PEG3: variants seen among roughly 807,000 people sequenced by gnomAD.
PEG3 encodes paternally expressed 3.
PEG3 carries 23 observed loss-of-function variants against 35.5 expected under a neutral mutation model. The observed-to-expected ratio is 0.65, with a 90% CI of 0.47 to 0.92. PEG3 has a LOEUF of 0.92. Among genes scored for constraint, PEG3 ranks in the 40% least tolerant of loss-of-function variants. The probability of loss-of-function intolerance (pLI) is 0.00; values close to 1 mark genes in which losing one functional copy is unlikely to be tolerated. For missense variants in PEG3, 1,960 were observed against 1,985.3 expected (o/e 0.99, Z 0.24); for synonymous variants, 707 against 697.0 (o/e 1.01, Z -0.23).
Position 56,811,372 on chromosome 19 carries a change from A to G in PEG3, c.*2303T>C. On this transcript the variant is annotated 3_prime_UTR_variant, in exon 10 of 10. Transcript: ENST00000326441. ...AAATGAACTGTTGAGTTATAACTGT[A>G]GTATAAATATACTTTCGTGTCCTGC... is the stretch of plus-strand genomic sequence containing the variant. 7 of 875,484 alleles carry G rather than the reference A, an allele frequency of 8.0e-6. No homozygotes were observed. Among genetic ancestry groups the G allele is most frequent in the Non-Finnish European group, 9.6e-6 (7 of 729,846 alleles). 54.2% of individuals were successfully genotyped at this position (875,484 alleles called of 1,614,324 possible). A position where few individuals can be genotyped will look rare whatever the true frequency, so the allele number is the denominator to read the frequency against.
At chr19:56,821,569 A>C (rs1386815673) in intron 7 of PEG3, 82 bp downstream of exon 7, 4 of 1,554,636 alleles carry the variant, frequency 2.6e-6, no homozygotes, top group Non-Finnish European at 2.6e-6. Flanking sequence ...GGGGCAGATA[A>C]ACACACCATC....
Position 56,815,419 on chromosome 19 carries a change from C to A in PEG3, c.3023G>T (p.Arg1008Leu), listed in dbSNP as rs757018403. ...GSRNYEWSVI[R>L]SLAPTDPQTS... ...TTGAGGGTCAGTAGGGGCCAAGCTG[C>A]GAATGACAGACCATTCATAGTTTCT... The change falls in exon 10 of 10, where the codon CGC becomes CTC. Residue 1008 changes from arginine to leucine, a missense_variant. Arg to Leu is a moderately radical substitution (Grantham distance 102). Transcript: ENST00000326441. The A allele has an allele frequency of 3.1e-6, 5 of 1,614,016 alleles. No individual in the cohort carries two copies. Among genetic ancestry groups the A allele is most frequent in the Non-Finnish European group, 4.2e-6 (5 of 1,179,906 alleles).
At chr19:56,838,580 C>T (rs1388218098) in intron 1 of PEG3, among the ~76,000 whole-genome samples, 2 of 152,196 alleles carry the variant, frequency 1.3e-5, no homozygotes, top group Admixed American at 1.3e-4. Context: ...CTTGGTCAGG[C>T]AACAACAGGG....
chr19:56,814,850 C>G lies in PEG3; in HGVS notation c.3592G>C (p.Asp1198His). Residue 1198 changes from aspartate to histidine, a missense_variant, in exon 10 of 10, where the codon GAT (aspartate) becomes CAT (histidine). Physicochemically the swap from Asp to His is moderately conservative, Grantham distance 81. Transcript: ENST00000326441. This position sits in a 1 kb window ranked among gnomAD's most constrained non-coding sequence, Gnocchi z 5.8. ...DQLYSMKGCDDGFIALLPMKP... is the reference protein window; with the variant it reads ...DQLYSMKGCDHGFIALLPMKP... ...ATGGGCAAGAGGGCAATAAAACCAT[C>G]ATCACACCCCTTCATGGAATACAAC... The G allele has an allele frequency of 6.2e-7, 1 of 1,614,200 alleles. No homozygotes were observed. Among genetic ancestry groups the G allele is most frequent in the Non-Finnish European group, 8.5e-7 (1 of 1,180,036 alleles).
chr19:56,814,329 GGCTGCTGCTGCTGCA>G lies in PEG3; in HGVS notation c.4098_4112del (p.Ala1367_Ala1371del), dbSNP rs768462739. On this transcript the variant is annotated inframe_deletion, in exon 10 of 10. Transcript: ENST00000326441. This position sits in a 1 kb window ranked among gnomAD's most constrained non-coding sequence, Gnocchi z 5.8. ...CATGGACATTGGCTTCAACTTCCTG[GGCTGCTGCTGCTGCA>G]GCTGCTGCTGCTTCATCTTCTTCTT... The G allele has an allele frequency of 1.8e-4, 295 of 1,613,850 alleles. 1 individual carries two copies. Among genetic ancestry groups the G allele is most frequent in the South Asian group, 2.6e-4 (24 of 91,064 alleles).
rs955674626 is a variant in PEG3 at position 56,826,031 on chromosome 19, G to A, written c.-87+357C>T. Among the ~76,000 whole-genome samples the A allele has an allele frequency of 2.0e-5, 3 of 152,144 alleles. No homozygotes were observed. In the East Asian group the frequency reaches 5.8e-4, roughly 29 times the overall value. On this transcript the variant is annotated intron_variant, in intron 3 of 9. Coordinates refer to ENST00000326441, the MANE Select transcript of PEG3 (RefSeq NM_006210.3). ...AGCTTGGGCACCATCCAATGCAAAT[G>A]CCTCGATCCTGAAGACCTTAGCGAC...
At chr19:56,817,693 G>T in intron 9 of PEG3, 53 bp downstream of exon 9, 1 of 1,561,600 alleles carries the variant, frequency 6.4e-7, no homozygotes, top group South Asian at 1.1e-5. Context: ...GAAGTTCCTT[G>T]ATAGCATCTC....
At position 56,816,661 on chromosome 19, in the gene PEG3, C is replaced by T. The variant is rs754473044; in HGVS notation, c.1781G>A (p.Arg594His). The change falls in exon 10 of 10, where the codon CGT (arginine) becomes CAT (histidine). Residue 594 changes from arginine (R) to histidine (H), a missense_variant. This residue lies in a region of PEG3 where 798 missense variants were observed against 782.4 expected (regional missense o/e 1.02). Transcript: ENST00000326441. ...IHFGDDKDNE[R>H]EHERERERER... is the part of the protein sequence containing the mutation. ...ACGTTCACGTTCACGTTCATGTTCA[C>T]GCTCATTATCTTTGTCATCCCCAAA... 6.5e-5 allele frequency: 105 copies of T among 1,613,646 alleles called. No individual in the cohort carries two copies. The highest frequency in any genetic ancestry group is 8.1e-5 in the Non-Finnish European group (96 of 1,179,590).
chr19:56,822,637 G>A (rs776490750), intron 6 of PEG3, 116 bp downstream of exon 6: 25 of 1,412,990 alleles, frequency 1.8e-5, no homozygotes, highest in East Asian at 1.3e-4. Flanking sequence ...TTGGGGAAGC[G>A]GAATATACTC....
intron 2 of PEG3, chr19:56,833,660 C>T (rs906409866): frequency 1.2e-5 from 2 of 170,552 alleles, no homozygotes; most frequent in South Asian, 1.4e-4. Context: ...GGTGGGATGA[C>T]TCAGGAGGTC....
intron 5 of PEG3, among the ~76,000 whole-genome samples, chr19:56,823,124 C>T (rs538101662): frequency 3.4e-4 from 52 of 152,306 alleles, no homozygotes; most frequent in Non-Finnish European, 6.9e-4. Context: ...TTCCCAGTTC[C>T]TAAGGGGCTG....
Position 56,816,983 on chromosome 19 carries a change from T to TAAA in PEG3, c.1456_1458dup (p.Phe486dup), listed in dbSNP as rs773495944. 3.2e-5 allele frequency: 51 copies of TAAA among 1,614,042 alleles called. No individual in the cohort carries two copies. Among genetic ancestry groups the TAAA allele is most frequent in the Non-Finnish European group, 4.2e-5 (50 of 1,179,994 alleles). On this transcript the variant is annotated inframe_insertion, in exon 10 of 10. Transcript: ENST00000326441. ...ACTTCACTGACAGCCACACTGTGGATAAAGGACTCACCATACTCATAGAGG... is the reference window on the plus strand; with the variant it reads ...ACTTCACTGACAGCCACACTGTGGATAAAAAAGGACTCACCATACTCATAGAGG...
At position 56,816,233 on chromosome 19, in the gene PEG3, T is replaced by C. The variant is rs767795648; in HGVS notation, c.2209A>G (p.Ile737Val). 2 of 1,614,172 alleles carry C rather than the reference T, an allele frequency of 1.2e-6. No homozygotes were observed. The highest frequency in any genetic ancestry group is 1.7e-6 in the Non-Finnish European group (2 of 1,179,980). ...PFTESQKSHTITRPLESDEDE... is the reference protein window; with the variant it reads ...PFTESQKSHTVTRPLESDEDE... Reference sequence around the variant, plus strand: ...TCATCACTTTCAAGAGGTCTTGTTATAGTATGACTCTTCTGAGATTCAGTG... The same window carrying C: ...TCATCACTTTCAAGAGGTCTTGTTACAGTATGACTCTTCTGAGATTCAGTG... The change falls in exon 10 of 10, where the codon ATA becomes GTA. Residue 737 changes from isoleucine (I) to valine (V), a missense_variant. Physicochemically the swap from Ile to Val is conservative, Grantham distance 29 (BLOSUM62 3). Coordinates refer to ENST00000326441, the MANE Select transcript of PEG3 (RefSeq NM_006210.3).
intron 1 of PEG3, among the ~76,000 whole-genome samples, chr19:56,837,353 G>A (rs2146678090): frequency 6.6e-6 from 1 of 152,270 alleles, no homozygotes; most frequent in Middle Eastern, 3.4e-3. Context: ...CCAGCTGTAC[G>A]ATTTTGAGTG....
chr19:56,822,754 G>T lies in PEG3; in HGVS notation c.564C>A (p.Ser188Arg), dbSNP rs754877008. The change falls in exon 6 of 10, where the codon AGC (serine) becomes AGA (arginine). Residue 188 changes from serine to arginine, a missense_variant and splice_region_variant. Physicochemically the swap from Ser to Arg is moderately radical, Grantham distance 110. Around this residue, in one of 5 missense-constraint regions of PEG3, gnomAD observed 613 missense variants for 577.1 expected, o/e 1.06. Coordinates refer to ENST00000326441, the MANE Select transcript of PEG3 (RefSeq NM_006210.3). ...GGAAAGAAAGTGGTTAAGACTCACT[G>T]CTTCTTGGGTTCCTGGTGTGGGACC... ...DRWSHTRNPRSRMPPRDLSLP... is the reference protein window; with the variant it reads ...DRWSHTRNPRRRMPPRDLSLP... 5.0e-6 allele frequency: 8 copies of T among 1,613,950 alleles called. No individual in the cohort carries two copies. The highest frequency in any genetic ancestry group is 6.8e-6 in the Non-Finnish European group (8 of 1,180,008).
Position 56,815,596 on chromosome 19 carries a change from G to T in PEG3, c.2846C>A (p.Thr949Asn). ...KKYIEHRSNETSVIHSLPFGE... is the reference protein window; with the variant it reads ...KKYIEHRSNENSVIHSLPFGE... ...AAAAGGCAGAGAGTGAATTACAGAG[G>T]TCTCATTGCTCCTATGCTCAATGTA... The change falls in exon 10 of 10, where the codon ACC (threonine) becomes AAC (asparagine). Residue 949 changes from threonine (T) to asparagine (N), a missense_variant. Thr to Asn is a moderately conservative substitution (Grantham distance 65). This residue lies in a region of PEG3 where 798 missense variants were observed against 782.4 expected (regional missense o/e 1.02). Coordinates refer to ENST00000326441, the MANE Select transcript of PEG3 (RefSeq NM_006210.3). 1.9e-6 allele frequency: 3 copies of T among 1,614,088 alleles called. No homozygotes were observed. The highest frequency in any genetic ancestry group is 2.5e-6 in the Non-Finnish European group (3 of 1,179,974).
intron 3 of PEG3, 129 bp from the exon 4 acceptor site, chr19:56,824,870 G>A (rs1406958889): frequency 1.3e-5 from 7 of 536,040 alleles, no homozygotes; most frequent in East Asian, 8.9e-5. Context: ...GCAAACAACC[G>A]CACAAAGTTG....
At position 56,823,960 on chromosome 19, in the gene PEG3, C is replaced by A. The variant is rs145035068; in HGVS notation, c.395-281G>T. ...CACACCACACCAAAAAGGCAGGAGC[C>A]ATAGGAGGTTTTCTCCCTTCTACAG... On this transcript the variant is annotated intron_variant, in intron 4 of 9. Coordinates refer to ENST00000326441, the MANE Select transcript of PEG3 (RefSeq NM_006210.3). Among the ~76,000 whole-genome samples the A allele has an allele frequency of 4.5e-3, 688 of 152,268 alleles. 5 individuals are homozygous for A. The Middle Eastern group carries it at 0.071, about 16-fold the overall frequency.
At chr19:56,822,882 A>T in intron 5 of PEG3, 46 bp from the exon 6 acceptor site, 2 of 1,590,604 alleles carry the variant, frequency 1.3e-6, no homozygotes, top group Middle Eastern at 3.3e-4. Context: ...TCTTTGACAC[A>T]CCTGTTTTCC....
Sources: allele counts gnomAD v4.1 joint callset (sites outside exome capture counted in the v4.1 genomes callset), GRCh38; gene constraint gnomAD v4.1.1; regional missense constraint gnomAD v4.1.1; non-coding constraint Gnocchi (gnomAD v3.1); transcripts MANE v1.5; gene names NCBI Gene and HGNC (gene_info 2026-07-23, HGNC 2026-07-21).